Variants in PCNX2 observed in about 807,000 individuals in gnomAD.
PCNX2 encodes pecanex-like protein 2.
A neutral mutation model predicts 223.8 loss-of-function variants in PCNX2; 168 were observed. That is an observed-to-expected ratio of 0.75 (90% CI 0.66 to 0.85). The LOEUF (loss-of-function observed/expected upper bound fraction) is 0.85, where lower values mean the gene tolerates loss of function less well. Ranked by LOEUF, PCNX2 falls within the 40% of genes least tolerant of loss-of-function variation. PCNX2 has a pLI of 0.00. For missense variants in PCNX2, 2,507 were observed against 2,675.5 expected, an observed-to-expected ratio of 0.94 and a Z score of 1.39; for synonymous variants, 1,006 against 1,052.6, an observed-to-expected ratio of 0.96 and a Z score of 0.86.
intron 1 of PCNX2, among the ~76,000 whole-genome samples, chr1:233,276,490 T>C (rs959786786): frequency 6.6e-6 from 1 of 152,232 alleles, no homozygotes; most frequent in South Asian, 2.1e-4. Context: ...GTTATATACA[T>C]CTTATCACAA....
chr1:233,290,668 T>C, intron 1 of PCNX2: 1 of 868,842 alleles, frequency 1.2e-6, no homozygotes, highest in African/African-American at 1.8e-5. Context: ...ATTTGCCTAG[T>C]GCTATGCTAG....
chr1:233,202,997 G>A (rs1158120810), intron 13 of PCNX2, among the ~76,000 whole-genome samples: 2 of 152,282 alleles, frequency 1.3e-5, no homozygotes, highest in East Asian at 1.9e-4. Flanking sequence ...TCTTTGTACT[G>A]AGCTGTAACC....
chr1:233,319,545 C>T, the PCNX2 span, among the ~76,000 whole-genome samples: 1 of 152,196 alleles, frequency 6.6e-6, no homozygotes, highest in African/African-American at 2.4e-5. Flanking sequence ...GGGCTGAATT[C>T]CATTTCGTAG....
In PCNX2 at chr1:233,258,384, A is replaced by C. The variant is rs372365827; in HGVS notation, c.1478T>G (p.Val493Gly). The part of the protein sequence containing the change: ...SSSSREPWES[V>G]SRLTPDTGSE... The stretch of plus-strand genomic sequence containing the variant: ...GCCTGTATCAGGTGTAAGCCGGGAC[A>C]CCGATTCCCAGGGTTCCCGTGATGA... The change falls in exon 5 of 34, where the codon GTG becomes GGG. Residue 493 changes from valine (V) to glycine (G), a missense_variant. By Grantham distance (109) the Val-to-Gly change is moderately radical (BLOSUM62 -3). Around this residue, in one of 3 missense-constraint regions of PCNX2, gnomAD observed 1,031 missense variants for 1,021.7 expected, o/e 1.01. Coordinates refer to ENST00000258229, the MANE Select transcript of PCNX2 (RefSeq NM_014801.4). 5.6e-5 allele frequency: 91 copies of C among 1,613,796 alleles called. No individual in the cohort carries two copies. Among genetic ancestry groups the C allele is most frequent in the Non-Finnish European group, 7.5e-5 (88 of 1,179,866 alleles).
At chr1:233,219,203 T>TA (rs1156923071) in intron 10 of PCNX2, among the ~76,000 whole-genome samples, 3 of 152,100 alleles carry the variant, frequency 2.0e-5, no homozygotes, top group Non-Finnish European at 4.4e-5. Context: ...CTGGATCATG[T>TA]AGCCTAGGTA....
At position 232,991,771 on chromosome 1, in the gene PCNX2, G is replaced by A. The variant is rs940900791; in HGVS notation, c.5792-5231C>T. 6.6e-6 allele frequency among the ~76,000 whole-genome samples: 1 copy of A among 152,040 alleles called. No homozygotes were observed. The highest frequency in any genetic ancestry group is 1.5e-5 in the Non-Finnish European group (1 of 67,990). On this transcript the variant is annotated intron_variant, in intron 32 of 33. Transcript: ENST00000258229. This position sits in a 1 kb window ranked among gnomAD's most constrained non-coding sequence, Gnocchi z 4.3. The stretch of plus-strand genomic sequence containing the variant: ...CACCACAAGCTAGGGAAGGGTCCTG[G>A]ACCCCACTCCCCTCCAGCCCTCAGG...
intron 23 of PCNX2, among the ~76,000 whole-genome samples, chr1:233,058,830 A>T (rs1229848151): frequency 6.6e-6 from 1 of 151,718 alleles, no homozygotes; most frequent in Non-Finnish European, 1.5e-5. Context: ...ATGCCCAGCT[A>T]ATTTTTGTAT....
chr1:233,049,211 T>A (rs1348813536), intron 25 of PCNX2, among the ~76,000 whole-genome samples: 1 of 152,148 alleles, frequency 6.6e-6, no homozygotes, highest in Non-Finnish European at 1.5e-5. Context: ...CCAATATCCC[T>A]GATGAATATA....
At position 233,126,217 on chromosome 1, in the gene PCNX2, A is replaced by G. The variant is rs945593413; in HGVS notation, c.3837+8796T>C. ...AGGGCAAGACTCCGTCTAAAAAAAA[A>G]AAAAATTATCTTTTGTCATTAGGCC... is the stretch of plus-strand genomic sequence containing the variant. On this transcript the variant is annotated intron_variant, in intron 21 of 33. Coordinates refer to ENST00000258229, the MANE Select transcript of PCNX2 (RefSeq NM_014801.4). The surrounding 1 kb of genome is among the most constrained non-coding windows in gnomAD (Gnocchi z 4.8). 1 of 152,300 alleles carries G rather than the reference A, an allele frequency of 6.6e-6. No homozygotes were observed. Among genetic ancestry groups the G allele is most frequent in the Admixed American group, 6.5e-5 (1 of 15,284 alleles). The allele number at this position is 152,300 out of a possible 1,614,324, so 9.4% of individuals were successfully genotyped here.
chr1:233,291,718 A>G, intron 1 of PCNX2: 1 of 985,152 alleles, frequency 1.0e-6, no homozygotes, highest in East Asian at 1.1e-4. Flanking sequence ...CCCCTGCTGT[A>G]AAGAACACTC....
the PCNX2 span, among the ~76,000 whole-genome samples, chr1:233,302,382 G>A: frequency 6.6e-6 from 1 of 151,832 alleles, no homozygotes; most frequent in Admixed American, 6.6e-5. Flanking sequence ...ATGCACAGTG[G>A]TCTGTGCCTT....
rs1394288646 is a variant in PCNX2, at chr1:233,218,149, A to G, written c.2540T>C (p.Leu847Ser). Reference sequence around the variant, plus strand: ...AAGGAGGGAAACCAGGACAATGAGTAAAATCGCCAGTACATTCTCCTTGAT... The same window carrying G: ...AAGGAGGGAAACCAGGACAATGAGTGAAATCGCCAGTACATTCTCCTTGAT... ...EDIKENVLAI[L>S]LIVLVSLLGF... Residue 847 changes from leucine (L) to serine (S), a missense_variant, in exon 11 of 34, where the codon TTA becomes TCA. Coordinates refer to ENST00000258229, the MANE Select transcript of PCNX2 (RefSeq NM_014801.4). The G allele has an allele frequency of 6.4e-7, 1 of 1,551,328 alleles. No homozygotes were observed. Among genetic ancestry groups the G allele is most frequent in the Non-Finnish European group, 8.7e-7 (1 of 1,147,018 alleles).
At chr1:233,268,962 C>T (rs751383639) in intron 1 of PCNX2, among the ~76,000 whole-genome samples, 5 of 152,180 alleles carry the variant, frequency 3.3e-5, no homozygotes, top group Admixed American at 6.5e-5. Flanking sequence ...GTGTCAGGCC[C>T]CAAGTAAAGA....
At chr1:233,063,997 T>C (rs1056048960) in intron 23 of PCNX2, among the ~76,000 whole-genome samples, 6 of 152,144 alleles carry the variant, frequency 3.9e-5, no homozygotes, top group Non-Finnish European at 7.4e-5. Context: ...TCATAACATC[T>C]TGGCCTTTTA....
intron 24 of PCNX2, among the ~76,000 whole-genome samples, chr1:233,055,932 C>T (rs960318791): frequency 2.0e-5 from 3 of 152,242 alleles, no homozygotes; most frequent in South Asian, 2.1e-4. Flanking sequence ...AGGAAGATCA[C>T]CAATCCACCT....
At chr1:233,140,731 C>T (rs1462541451) in intron 19 of PCNX2, among the ~76,000 whole-genome samples, 1 of 152,180 alleles carries the variant, frequency 6.6e-6, no homozygotes, top group Non-Finnish European at 1.5e-5. Context: ...TCACATTCAG[C>T]GGTGGGGAAA....
chr1:233,053,469 A>G (rs1443238479), intron 25 of PCNX2, among the ~76,000 whole-genome samples: 2 of 152,186 alleles, frequency 1.3e-5, no homozygotes, highest in Non-Finnish European at 2.9e-5. Context: ...TCCAAGCTAT[A>G]ATAAGTTTGT....
rs757983175 is a variant in PCNX2 at position 233,263,093 on chromosome 1, T to C, written c.224A>G (p.Lys75Arg). The C allele has an allele frequency of 7.4e-6, 12 of 1,613,330 alleles. No individual in the cohort carries two copies. The highest frequency in any genetic ancestry group is 9.3e-6 in the Non-Finnish European group (11 of 1,179,548). The change falls in exon 2 of 34, where the codon AAA (lysine) becomes AGA (arginine). Residue 75 changes from lysine to arginine, a missense_variant. This residue lies in a region of PCNX2 where 1,031 missense variants were observed against 1,021.7 expected (regional missense o/e 1.01). Coordinates refer to ENST00000258229, the MANE Select transcript of PCNX2 (RefSeq NM_014801.4). ...SAVTIFFTII[K>R]LVSYRLHLMF... ...GAGGTGTAGGCGATAACTGACCAGTTTGATTATTGTGAAGAATATAGTCAC... is the reference window on the plus strand; with the variant it reads ...GAGGTGTAGGCGATAACTGACCAGTCTGATTATTGTGAAGAATATAGTCAC...
chr1:233,163,651 T>A (rs1290867582), intron 17 of PCNX2, among the ~76,000 whole-genome samples: 1 of 151,718 alleles, frequency 6.6e-6, no homozygotes, highest in Non-Finnish European at 1.5e-5. Flanking sequence ...AACTAGCACA[T>A]CCATTACACC....
Sources: gnomAD v4.1 joint callset for allele counts (sites outside exome capture counted in the v4.1 genomes callset) on GRCh38, gnomAD v4.1.1 for gene constraint, gnomAD v4.1.1 regional missense constraint, Gnocchi (gnomAD v3.1) non-coding constraint, MANE v1.5 for transcripts, NCBI Gene and HGNC (gene_info 2026-07-23, HGNC 2026-07-21) for gene names.